The following OPRM1 variants were observed in gnomAD, a reference collection of about 807,000 sequenced individuals.
OPRM1 encodes the protein mu-type opioid receptor.
A neutral mutation model predicts 31.8 loss-of-function variants in OPRM1; 27 were observed. The observed-to-expected ratio is 0.85, with a 90% CI of 0.63 to 1.17. The LOEUF (loss-of-function observed/expected upper bound fraction) is 1.17, where lower values mean the gene tolerates loss of function less well. OPRM1 is among the 50% of genes most tolerant of loss of function. OPRM1 has a pLI of 0.00. For missense variants in OPRM1, 536 were observed against 511.1 expected, an observed-to-expected ratio of 1.05 and a Z score of -0.47; for synonymous variants, 196 against 189.9, an observed-to-expected ratio of 1.03 and a Z score of -0.26.
intron 3 of OPRM1, among the ~76,000 whole-genome samples, chr6:154,235,315 G>A (rs1780027989): frequency 6.6e-6 from 1 of 152,208 alleles, no homozygotes; most frequent in Non-Finnish European, 1.5e-5. Flanking sequence ...CAGATCACCT[G>A]AGGTCAGGAG....
At chr6:154,240,803 A>C (rs1780517870) in intron 3 of OPRM1, among the ~76,000 whole-genome samples, 1 of 152,258 alleles carries the variant, frequency 6.6e-6, no homozygotes, top group African/African-American at 2.4e-5. Context: ...CAAAACTTTC[A>C]CAATTCAGAA....
intron 3 of OPRM1, among the ~76,000 whole-genome samples, chr6:154,149,137 T>C (rs889136555): frequency 2.0e-4 from 30 of 152,280 alleles, no homozygotes; most frequent in African/African-American, 6.3e-4. Context: ...GACTGGGTAA[T>C]TTATAAAGAA....
At chr6:154,149,772 G>A (rs969224381) in intron 3 of OPRM1, among the ~76,000 whole-genome samples, 4 of 152,104 alleles carry the variant, frequency 2.6e-5, no homozygotes, top group African/African-American at 9.7e-5. Flanking sequence ...GCCCCAGGTA[G>A]CCATTCCAGC....
rs1797916018 is a variant in OPRM1 at position 154,131,913 on chromosome 6, T to A, written c.*13192T>A. On this transcript the variant is annotated 3_prime_UTR_variant, in exon 4 of 4. Transcript: ENST00000330432. Reference sequence around the variant, plus strand: ...ACACACAACATTGTTTTCCTTTTGATGGTCTGGGAGTTTTTCTATAAGTTT... The same window carrying A: ...ACACACAACATTGTTTTCCTTTTGAAGGTCTGGGAGTTTTTCTATAAGTTT... Among the ~76,000 whole-genome samples the A allele has an allele frequency of 6.6e-6, 1 of 150,624 alleles. No individual in the cohort carries two copies. The highest frequency in any genetic ancestry group is 2.0e-4 in the East Asian group (1 of 5,074).
Position 154,214,304 on chromosome 6 carries a change from G to T in OPRM1, c.1165-32389G>T. 2.6e-6 allele frequency: 4 copies of T among 1,536,832 alleles called. No homozygotes were observed. The South Asian group carries it at 4.5e-5, about 17-fold the overall frequency. On this transcript the variant is annotated intron_variant, in intron 3 of 3. Coordinates refer to the OPRM1 transcript ENST00000337049. Reference sequence around the variant, plus strand: ...AAAATTCAAATAGAAAGCAAATGTTGACCAAAGAGATTAGCCCCCCACCCA... The same window carrying T: ...AAAATTCAAATAGAAAGCAAATGTTTACCAAAGAGATTAGCCCCCCACCCA...
intron 1 of OPRM1, among the ~76,000 whole-genome samples, chr6:154,069,035 A>G (rs760608074): frequency 1.2e-4 from 18 of 152,008 alleles, no homozygotes; most frequent in Non-Finnish European, 1.8e-4. Flanking sequence ...TCTTTTGCCC[A>G]TTTGTTAATT....
intron 3 of OPRM1, among the ~76,000 whole-genome samples, chr6:154,144,962 A>C (rs1054074652): frequency 6.6e-6 from 1 of 152,108 alleles, no homozygotes; most frequent in Non-Finnish European, 1.5e-5. Context: ...AAAAATAAGA[A>C]TAGATGGCAA....
At chr6:154,149,021 C>T (rs1445582925) in intron 3 of OPRM1, among the ~76,000 whole-genome samples, 1 of 152,082 alleles carries the variant, frequency 6.6e-6, no homozygotes, top group Non-Finnish European at 1.5e-5. Context: ...GTACACTTGC[C>T]CAAGTAAATG....
At chr6:154,113,417 C>A (rs1281802518) in intron 3 of OPRM1, among the ~76,000 whole-genome samples, 1 of 152,192 alleles carries the variant, frequency 6.6e-6, no homozygotes, top group Non-Finnish European at 1.5e-5. Context: ...GCAACCTCCA[C>A]ATGCTCCAGT....
At chr6:154,152,335 G>GA (rs762104143) in intron 3 of OPRM1, among the ~76,000 whole-genome samples, 5,769 of 33,842 alleles carry the variant, frequency 0.17, 236 homozygotes, top group South Asian at 0.27. Flanking sequence ...AAGAAAGAAA[G>GA]AAAGAAAGAA....
chr6:154,108,932 A>G (rs780059243), intron 3 of OPRM1: 11 of 985,020 alleles, frequency 1.1e-5, no homozygotes, highest in Middle Eastern at 5.2e-4. Context: ...CTATAGAAAC[A>G]TAGAATGTGA....
intron 1 of OPRM1, among the ~76,000 whole-genome samples, chr6:154,029,796 G>A (rs1166065054): frequency 1.3e-5 from 2 of 152,164 alleles, no homozygotes; most frequent in African/African-American, 4.8e-5. Flanking sequence ...GTTATCATGA[G>A]ATCTGATGGT....
At chr6:154,238,849 T>C (rs945483697) in intron 3 of OPRM1, among the ~76,000 whole-genome samples, 2 of 151,964 alleles carry the variant, frequency 1.3e-5, no homozygotes, top group Non-Finnish European at 1.5e-5. Context: ...CCTGGCCCTA[T>C]TGTATAATCT....
chr6:154,039,700 G>A lies in OPRM1; in HGVS notation c.156G>A (p.Leu52=). The change falls in exon 1 of 4, where the codon CTG becomes CTA. Residue 52 remains leucine (L), a synonymous_variant. Transcript: ENST00000330432. ...CATGCGGTCCGAACCGCACCGACCTGGGCGGGAGAGACAGCCTGTGCCCTC... is the reference window on the plus strand; with the variant it reads ...CATGCGGTCCGAACCGCACCGACCTAGGCGGGAGAGACAGCCTGTGCCCTC... ...SDPCGPNRTD[L]GGRDSLCPPT... 6.2e-7 allele frequency: 1 copy of A among 1,613,630 alleles called. No homozygotes were observed. Among genetic ancestry groups the A allele is most frequent in the Non-Finnish European group, 8.5e-7 (1 of 1,180,030 alleles).
intron 3 of OPRM1, among the ~76,000 whole-genome samples, chr6:154,240,105 T>A (rs1426482968): frequency 6.6e-6 from 1 of 152,208 alleles, no homozygotes; most frequent in African/African-American, 2.4e-5. Flanking sequence ...TAAAAGCCCA[T>A]AATTCTCATT....
intron 1 of OPRM1, among the ~76,000 whole-genome samples, chr6:154,019,747 C>CTTTT (rs373120574): frequency 4.1e-5 from 5 of 122,010 alleles, no homozygotes; most frequent in Admixed American, 8.0e-5. Flanking sequence ...CTTTTCTTTT[C>CTTTT]TTTTTTTTTT....
rs539560147 is a variant in OPRM1, at chr6:154,119,420, G to A, written c.*699G>A. The A allele has an allele frequency of 1.0e-6, 1 of 985,338 alleles. No homozygotes were observed. The highest frequency in any genetic ancestry group is 6.1e-5 in the Admixed American group (1 of 16,264). 61.0% of individuals were successfully genotyped at this position (985,338 alleles called of 1,614,324 possible). ...GCAAATACTTCCAAAGAGTCATCAT[G>A]GGGGATTTTTCATTCTTAGGCTTTC... On this transcript the variant is annotated 3_prime_UTR_variant, in exon 4 of 4. Coordinates refer to ENST00000330432, the MANE Select transcript of OPRM1 (RefSeq NM_000914.5).
In OPRM1 at chr6:154,128,929, T is replaced by G. The variant is rs961590036; in HGVS notation, c.*10208T>G. Among the ~76,000 whole-genome samples the G allele has an allele frequency of 2.4e-5, 3 of 124,458 alleles. No homozygotes were observed. The highest frequency in any genetic ancestry group is 8.8e-5 in the African/African-American group (3 of 34,248). The allele number at this position is 124,458 out of a possible 152,430, so 81.6% of individuals were successfully genotyped here. On this transcript the variant is annotated 3_prime_UTR_variant, in exon 4 of 4. Transcript: ENST00000330432. ...TTGGATCTATAAACATAAGTCAATT[T>G]GGCTCTATTATGTCAAAAGAGAATA...
chr6:154,041,972 T>C (rs888983867), intron 1 of OPRM1, among the ~76,000 whole-genome samples: 1 of 152,200 alleles, frequency 6.6e-6, no homozygotes, highest in Non-Finnish European at 1.5e-5. Flanking sequence ...AAGAGGTTGC[T>C]GGTTGGGTGA....
Sources: gnomAD v4.1 joint callset for allele counts (sites outside exome capture counted in the v4.1 genomes callset) on GRCh38, gnomAD v4.1.1 for gene constraint, MANE v1.5 for transcripts, NCBI Gene and HGNC (gene_info 2026-07-23, HGNC 2026-07-21) for gene names.